The following PCSK2 variants were observed in gnomAD, a reference collection of about 807,000 sequenced individuals.
PCSK2 encodes the protein proprotein convertase subtilisin/kexin type 2, also known as neuroendocrine convertase 2.
A neutral mutation model predicts 69.7 loss-of-function variants in PCSK2; 14 were observed. That is an observed-to-expected ratio of 0.20 (90% CI 0.13 to 0.31). The LOEUF is 0.31. Among genes scored for constraint, PCSK2 ranks in the 10% least tolerant of loss-of-function variants. The probability of loss-of-function intolerance (pLI) is 1.00; values close to 1 mark genes in which losing one functional copy is unlikely to be tolerated. For synonymous variants in PCSK2, 307 were observed against 320.7 expected, an observed-to-expected ratio of 0.96 and a Z score of 0.46; for missense variants, 544 against 842.5, an observed-to-expected ratio of 0.65 and a Z score of 4.39.
intron 4 of PCSK2, among the ~76,000 whole-genome samples, chr20:17,362,303 C>T (rs755459412): frequency 1.3e-5 from 2 of 152,224 alleles, no homozygotes; most frequent in African/African-American, 4.8e-5. Context: ...CCCCCAATTA[C>T]AATTCCTGGT....
chr20:17,418,544 C>A (rs997867102), intron 6 of PCSK2, among the ~76,000 whole-genome samples: 2 of 152,052 alleles, frequency 1.3e-5, no homozygotes, highest in Admixed American at 6.6e-5. Context: ...GAAAAAGTTG[C>A]TAGGAGAAAG....
chr20:17,365,298 G>T (rs116736143), intron 4 of PCSK2, among the ~76,000 whole-genome samples: 1,550 of 152,078 alleles, frequency 0.01, 25 homozygotes, highest in African/African-American at 0.035. Context: ...ATAAAAGTAC[G>T]AACCCCATTC....
intron 8 of PCSK2, among the ~76,000 whole-genome samples, chr20:17,447,270 C>CAAA (rs386393432): frequency 0.077 from 9,775 of 127,394 alleles, 663 homozygotes; most frequent in African/African-American, 0.18. Flanking sequence ...TACTCTGTCT[C>CAAA]AAAAAAAAAA....
At chr20:17,418,280 TA>T (rs2123318847) in intron 6 of PCSK2, among the ~76,000 whole-genome samples, 1 of 152,352 alleles carries the variant, frequency 6.6e-6, no homozygotes, top group Admixed American at 6.5e-5. Context: ...GTTACAGGGC[TA>T]ATAAGAAGTG....
chr20:17,249,478 G>T (rs529165453), intron 1 of PCSK2, among the ~76,000 whole-genome samples: 4 of 132,370 alleles, frequency 3.0e-5, no homozygotes, highest in Admixed American at 2.7e-4. Context: ...CTGCACTCCA[G>T]ACTGGGAGAG....
intron 1 of PCSK2, among the ~76,000 whole-genome samples, chr20:17,244,585 G>A (rs1986703879): frequency 6.6e-6 from 1 of 152,144 alleles, no homozygotes. Flanking sequence ...TTCTAGGAGT[G>A]GAGCTAGATT....
intron 8 of PCSK2, among the ~76,000 whole-genome samples, chr20:17,452,640 C>T (rs1425280807): frequency 1.3e-5 from 2 of 152,202 alleles, no homozygotes; most frequent in Non-Finnish European, 2.9e-5. Context: ...GGTAACCAAG[C>T]CACCCTGGGC....
intron 2 of PCSK2, among the ~76,000 whole-genome samples, chr20:17,336,206 T>C (rs1232475343): frequency 6.6e-6 from 1 of 152,240 alleles, no homozygotes; most frequent in Non-Finnish European, 1.5e-5. Flanking sequence ...AAGATTTTTA[T>C]ATTTGCATAT....
intron 2 of PCSK2, among the ~76,000 whole-genome samples, chr20:17,276,160 TA>T (rs963917896): frequency 6.6e-6 from 1 of 152,104 alleles, no homozygotes; most frequent in African/African-American, 2.4e-5. Context: ...CTACATACCA[TA>T]AAAAAATTAG....
At chr20:17,254,488 T>C (rs965515368) in intron 1 of PCSK2, among the ~76,000 whole-genome samples, 3 of 152,204 alleles carry the variant, frequency 2.0e-5, no homozygotes, top group Admixed American at 6.5e-5. Flanking sequence ...AGCATCCATG[T>C]TGAAAATCAA....
intron 8 of PCSK2, among the ~76,000 whole-genome samples, chr20:17,446,354 C>T (rs371256926): frequency 1.3e-5 from 2 of 152,182 alleles, no homozygotes; most frequent in East Asian, 1.9e-4. Flanking sequence ...ACCCTACTCC[C>T]GCTGAACTAC....
chr20:17,298,514 C>G (rs917683216), intron 2 of PCSK2, among the ~76,000 whole-genome samples: 8 of 152,046 alleles, frequency 5.3e-5, no homozygotes, highest in African/African-American at 1.9e-4. Flanking sequence ...TTGTCCAGCC[C>G]AAAATGCCAA....
At chr20:17,255,414 T>G (rs1441270448) in intron 1 of PCSK2, among the ~76,000 whole-genome samples, 1 of 151,980 alleles carries the variant, frequency 6.6e-6, no homozygotes, top group Non-Finnish European at 1.5e-5. Flanking sequence ...CAATCTCGGC[T>G]CACTGCAAGC....
At chr20:17,399,504 C>T (rs929081794) in intron 5 of PCSK2, among the ~76,000 whole-genome samples, 3 of 152,106 alleles carry the variant, frequency 2.0e-5, no homozygotes, top group Non-Finnish European at 4.4e-5. Flanking sequence ...ATAAATGCAA[C>T]GTAAGCAACT....
intron 1 of PCSK2, among the ~76,000 whole-genome samples, chr20:17,232,995 C>T (rs906439886): frequency 2.6e-5 from 4 of 152,174 alleles, no homozygotes; most frequent in African/African-American, 9.7e-5. Flanking sequence ...TCCCTCAAGA[C>T]CTGTCTGGTT....
chr20:17,242,984 T>A (rs1160074988), intron 1 of PCSK2, among the ~76,000 whole-genome samples: 3 of 152,240 alleles, frequency 2.0e-5, no homozygotes, highest in Non-Finnish European at 2.9e-5. Flanking sequence ...CCTCTGGGAA[T>A]GGAATGGCTT....
chr20:17,233,604 G>C (rs1181199958), intron 1 of PCSK2, among the ~76,000 whole-genome samples: 1 of 152,150 alleles, frequency 6.6e-6, no homozygotes, highest in African/African-American at 2.4e-5. Context: ...AGTTGCTCTA[G>C]AGAGGAGAAT....
intron 10 of PCSK2, chr20:17,464,410 G>A (rs2033064431): frequency 6.6e-6 from 1 of 152,042 alleles, no homozygotes; most frequent in Admixed American, 6.5e-5. Context: ...GACCATCCTG[G>A]ACACTAAGGA....
intron 6 of PCSK2, among the ~76,000 whole-genome samples, chr20:17,424,618 G>A (rs752337050): frequency 1.3e-5 from 2 of 151,958 alleles, no homozygotes; most frequent in African/African-American, 2.4e-5. Flanking sequence ...TCAGCCTCCT[G>A]AGTAGCTGAG....
Sources: gnomAD v4.1 joint callset for allele counts (sites outside exome capture counted in the v4.1 genomes callset) on GRCh38, gnomAD v4.1.1 for gene constraint, MANE v1.5 for transcripts, NCBI Gene and HGNC (gene_info 2026-07-23, HGNC 2026-07-21) for gene names.